Variants in KCNQ1OT1 observed in about 807,000 individuals in gnomAD.
KCNQ1OT1 encodes the protein KCNQ1 opposite strand/antisense transcript 1.
At chr11:2,660,209 A>G (rs151214) in exon 1 of KCNQ1OT1, 8,945 of 398,190 alleles carry the variant, frequency 0.022, 156 homozygotes, top group South Asian at 0.059. Context: ...GTAAGTTTGT[A>G]TGTAGTACCC....
exon 1 of KCNQ1OT1, chr11:2,688,607 C>T (rs1850533432): frequency 2.5e-6 from 1 of 398,638 alleles, no homozygotes; most frequent in Non-Finnish European, 4.4e-6. Context: ...AGGCACTCAT[C>T]TTGTGCTGTG....
At chr11:2,636,410 G>A (rs923121443) in exon 1 of KCNQ1OT1, 1 of 151,894 alleles carries the variant, frequency 6.6e-6, no homozygotes, top group African/African-American at 2.4e-5. Context: ...GTTGAATTTT[G>A]TCAAAGGCCT....
chr11:2,685,825 C>T lies in KCNQ1OT1; in HGVS notation n.14170G>A, dbSNP rs144675024. ...CCTGAGAATGCGATTCCTACTAGAA[C>T]GAGGCTGTTTCCCAGGCTGCCTCCT... On this transcript the variant is annotated non_coding_transcript_exon_variant, in exon 1 of 1. Transcript: ENST00000597346. 968 of 398,728 alleles carry T rather than the reference C, an allele frequency of 2.4e-3. 1 individual carries two copies. Among genetic ancestry groups the T allele is most frequent in the Non-Finnish European group, 3.1e-3 (695 of 226,130 alleles). 24.7% of individuals were successfully genotyped at this position (398,728 alleles called of 1,614,324 possible).
exon 1 of KCNQ1OT1, chr11:2,688,195 A>T: frequency 2.5e-6 from 1 of 398,842 alleles, no homozygotes; most frequent in Non-Finnish European, 4.4e-6. Context: ...AGGGGGCAGG[A>T]GGGGCTGCAC....
rs1590024183 is a variant in KCNQ1OT1 at position 2,674,881 on chromosome 11, G to A, written n.25114C>T. Reference sequence around the variant, plus strand: ...AAAAAGCTCACTGGGCACCTTGGCTGCAGGGTCTGAAAAGTCCTTTGTGTT... The same window carrying A: ...AAAAAGCTCACTGGGCACCTTGGCTACAGGGTCTGAAAAGTCCTTTGTGTT... On this transcript the variant is annotated non_coding_transcript_exon_variant, in exon 1 of 1. Coordinates refer to ENST00000597346, the Ensembl canonical transcript of KCNQ1OT1. The surrounding 1 kb of genome is among the most constrained non-coding windows in gnomAD (Gnocchi z 5.9). 1 of 394,736 alleles carries A rather than the reference G, an allele frequency of 2.5e-6. No individual in the cohort carries two copies. The highest frequency in any genetic ancestry group is 4.4e-6 in the Non-Finnish European group (1 of 225,640). The allele number at this position is 394,736 out of a possible 1,614,324, so 24.5% of individuals were successfully genotyped here.
In KCNQ1OT1 at chr11:2,678,879, C is replaced by G. The variant is rs1455979056; in HGVS notation, n.21116G>C. ...GGTGCACAGGAGTTGCCAGCTGGAC[C>G]CAAGGACCATTTCGTATACATGTAT... On this transcript the variant is annotated non_coding_transcript_exon_variant, in exon 1 of 1. Transcript: ENST00000597346. The surrounding 1 kb of genome is among the most constrained non-coding windows in gnomAD (Gnocchi z 4.9). 4.5e-5 allele frequency: 18 copies of G among 398,498 alleles called. No homozygotes were observed. Among genetic ancestry groups the G allele is most frequent in the Non-Finnish European group, 6.2e-5 (14 of 226,048 alleles). The allele number at this position is 398,498 out of a possible 1,614,324, so 24.7% of individuals were successfully genotyped here.
exon 1 of KCNQ1OT1, chr11:2,667,761 C>T (rs1850108208): frequency 1.0e-5 from 4 of 398,692 alleles, no homozygotes; most frequent in Non-Finnish European, 1.8e-5. Context: ...GGCCTAGCGG[C>T]CCTGAAGGCC....
exon 1 of KCNQ1OT1, chr11:2,622,432 G>A (rs1849189765): frequency 2.5e-6 from 1 of 397,954 alleles, no homozygotes; most frequent in Admixed American, 4.4e-5. Context: ...CAATCTACTT[G>A]TGTCTTTAGA....
Position 2,687,113 on chromosome 11 carries a change from C to T in KCNQ1OT1, n.12882G>A. The T allele has an allele frequency of 2.5e-6, 1 of 398,644 alleles. No homozygotes were observed. Among genetic ancestry groups the T allele is most frequent in the East Asian group, 3.6e-5 (1 of 28,072 alleles). The allele number at this position is 398,644 out of a possible 1,614,324, so 24.7% of individuals were successfully genotyped here. A position where few individuals can be genotyped will look rare whatever the true frequency, so the allele number is the denominator to read the frequency against. Reference sequence around the variant, plus strand: ...TGGGTGTGACAAGTACACCTTGACACACAAACTGCACAGGGAGGGGAGGAA... The same window carrying T: ...TGGGTGTGACAAGTACACCTTGACATACAAACTGCACAGGGAGGGGAGGAA... On this transcript the variant is annotated non_coding_transcript_exon_variant, in exon 1 of 1. Coordinates refer to ENST00000597346, the Ensembl canonical transcript of KCNQ1OT1. This position sits in a 1 kb window ranked among gnomAD's most constrained non-coding sequence, Gnocchi z 5.0.
chr11:2,662,090 C>T lies in KCNQ1OT1; in HGVS notation n.37905G>A, dbSNP rs770840921. On this transcript the variant is annotated non_coding_transcript_exon_variant, in exon 1 of 1. Coordinates refer to ENST00000597346, the Ensembl canonical transcript of KCNQ1OT1. ...ATCACCCACATCTCACAGTGAGTGC[C>T]TACATGTGCGTGAAGGGCTGGGCTG... 42 of 1,614,066 alleles carry T rather than the reference C, an allele frequency of 2.6e-5. No individual in the cohort carries two copies. The highest frequency in any genetic ancestry group is 3.5e-5 in the Non-Finnish European group (41 of 1,180,052).
chr11:2,649,541 T>C (rs1290164462), exon 1 of KCNQ1OT1: 3 of 398,454 alleles, frequency 7.5e-6, no homozygotes, highest in African/African-American at 6.2e-5. Context: ...CTGCTTCATT[T>C]CTGAAGGATA....
exon 1 of KCNQ1OT1, chr11:2,622,758 T>C (rs1849196302): frequency 2.5e-6 from 1 of 398,496 alleles, no homozygotes; most frequent in Admixed American, 4.4e-5. Context: ...TCCAGCAAAA[T>C]TGAGAGGTAA....
Position 2,664,376 on chromosome 11 carries a change from G to A in KCNQ1OT1, n.35619C>T. 2.5e-6 allele frequency: 1 copy of A among 398,896 alleles called. No individual in the cohort carries two copies. Among genetic ancestry groups the A allele is most frequent in the Non-Finnish European group, 4.4e-6 (1 of 226,260 alleles). The allele number at this position is 398,896 out of a possible 1,614,324, so 24.7% of individuals were successfully genotyped here. On this transcript the variant is annotated non_coding_transcript_exon_variant, in exon 1 of 1. Coordinates refer to ENST00000597346, the Ensembl canonical transcript of KCNQ1OT1. The surrounding 1 kb of genome is among the most constrained non-coding windows in gnomAD (Gnocchi z 5.1). ...CTGCATCCTCAGAAGTCAGGGTACG[G>A]TCCCTCCAGAGAGGCCTGAAGGGGA...
Position 2,670,572 on chromosome 11 carries a change from G to C in KCNQ1OT1, n.29423C>G. 2.5e-6 allele frequency: 1 copy of C among 398,290 alleles called. No individual in the cohort carries two copies. The highest frequency in any genetic ancestry group is 4.4e-6 in the Non-Finnish European group (1 of 226,026). The allele number at this position is 398,290 out of a possible 1,614,324, so 24.7% of individuals were successfully genotyped here. A position where few individuals can be genotyped will look rare whatever the true frequency, so the allele number is the denominator to read the frequency against. The stretch of plus-strand genomic sequence containing the variant: ...GACTTGCCAGTATCACTGGGAGATA[G>C]GAGCAGAAGCCAGGGCTCATTCCCA... On this transcript the variant is annotated non_coding_transcript_exon_variant, in exon 1 of 1. Transcript: ENST00000597346. This position sits in a 1 kb window ranked among gnomAD's most constrained non-coding sequence, Gnocchi z 4.9.
At chr11:2,633,355 A>C in exon 1 of KCNQ1OT1, 1 of 398,272 alleles carries the variant, frequency 2.5e-6, no homozygotes, top group Non-Finnish European at 4.4e-6. Flanking sequence ...ATTTCCTTTT[A>C]TGTGTAGGTT....
exon 1 of KCNQ1OT1, chr11:2,672,345 A>T (rs1850200351): frequency 2.5e-6 from 1 of 398,514 alleles, no homozygotes. Flanking sequence ...GTGCAGAAGC[A>T]GTGTGGTGGG....
exon 1 of KCNQ1OT1, chr11:2,688,067 T>A (rs953400380): frequency 3.3e-5 from 13 of 398,824 alleles, no homozygotes; most frequent in Non-Finnish European, 4.9e-5. Flanking sequence ...ATGGAGTTGG[T>A]GCTTCTAGGG....
exon 1 of KCNQ1OT1, chr11:2,681,929 A>C (rs1292364114): frequency 5.0e-6 from 2 of 398,472 alleles, no homozygotes; most frequent in African/African-American, 4.1e-5. Context: ...TAGGCTGAAG[A>C]ATAATCTTCA....
rs939335142 is a variant in KCNQ1OT1, at chr11:2,668,302, G to A, written n.31693C>T. On this transcript the variant is annotated non_coding_transcript_exon_variant, in exon 1 of 1. Coordinates refer to ENST00000597346, the Ensembl canonical transcript of KCNQ1OT1. This position sits in a 1 kb window ranked among gnomAD's most constrained non-coding sequence, Gnocchi z 4.3. Reference sequence around the variant, plus strand: ...ATGCTTTTGGTGAGCATCAGGTTGCGTTTCTGGGGAATATATGCCTATGTG... The same window carrying A: ...ATGCTTTTGGTGAGCATCAGGTTGCATTTCTGGGGAATATATGCCTATGTG... 1.0e-5 allele frequency: 4 copies of A among 398,566 alleles called. No individual in the cohort carries two copies. Among genetic ancestry groups the A allele is most frequent in the East Asian group, 3.6e-5 (1 of 28,074 alleles). 24.7% of individuals were successfully genotyped at this position (398,566 alleles called of 1,614,324 possible).
Sources: gnomAD v4.1 joint callset for allele counts on GRCh38, gnomAD v4.1.1 for gene constraint, Gnocchi (gnomAD v3.1) non-coding constraint, MANE v1.5 for transcripts, NCBI Gene and HGNC (gene_info 2026-07-23, HGNC 2026-07-21) for gene names.